G3BP1: variants seen among roughly 807,000 people sequenced by gnomAD.
G3BP1 encodes ras GTPase-activating protein-binding protein 1.
G3BP1 carries 35 observed loss-of-function variants against 58.6 expected under a neutral mutation model. The observed-to-expected ratio is 0.60, with a 90% CI of 0.46 to 0.79. G3BP1 has a LOEUF of 0.79. Ranked by LOEUF, G3BP1 falls within the 30% of genes least tolerant of loss-of-function variation. The pLI is 0.00. For synonymous variants in G3BP1, 191 were observed against 195.4 expected (o/e 0.98, Z 0.19); for missense variants, 523 against 580.8 (o/e 0.90, Z 1.02).
At chr5:151,801,671 C>T (rs1374749301) in intron 11 of G3BP1, among the ~76,000 whole-genome samples, 3 of 152,156 alleles carry the variant, frequency 2.0e-5, no homozygotes, top group Admixed American at 2.0e-4. Context: ...ATTCCTTGTA[C>T]CTGTCTCCCA....
At chr5:151,792,127 C>T (rs1356407615) in intron 4 of G3BP1, 1 of 456,206 alleles carries the variant, frequency 2.2e-6, no homozygotes, top group Admixed American at 2.3e-5. Context: ...TTTAGTTATA[C>T]TTATGAAAGG....
Position 151,807,789 on chromosome 5 carries a change from TTA to T in G3BP1, c.*3699_*3700del, listed in dbSNP as rs1266838717. 3 of 152,340 alleles carry T rather than the reference TTA, an allele frequency of 2.0e-5. No individual in the cohort carries two copies. The highest frequency in any genetic ancestry group is 1.3e-4 in the Admixed American group (2 of 15,304). 9.4% of individuals were successfully genotyped at this position (152,340 alleles called of 1,614,324 possible). ...ACTTTATAGAAGGCCATTTTAGAAC[TTA>T]CAGGTAACCTTTTTGAAGAGCTTAG... On this transcript the variant is annotated 3_prime_UTR_variant, in exon 12 of 12. Coordinates refer to ENST00000356245, the MANE Select transcript of G3BP1 (RefSeq NM_005754.3).
At chr5:151,789,290 C>CA (rs891802304) in intron 2 of G3BP1, among the ~76,000 whole-genome samples, 2 of 151,478 alleles carry the variant, frequency 1.3e-5, no homozygotes, top group African/African-American at 4.9e-5. Context: ...ACTAAAAATA[C>CA]AAAAAAAGGC....
chr5:151,779,221 T>G (rs1265851922), intron 1 of G3BP1, among the ~76,000 whole-genome samples: 1 of 152,194 alleles, frequency 6.6e-6, no homozygotes, highest in African/African-American at 2.4e-5. Context: ...TCATTTGCTT[T>G]TGGTGTGTCT....
chr5:151,799,232 G>T lies in G3BP1; in HGVS notation c.762G>T (p.Val254=). ...CTTAGACATTTTCTTGGGCATCTGT[G>T]ACCAGTAAGAATCTTCCACCCAGTG... ...EDLRTFSWAS[V]TSKNLPPSGA... Residue 254 remains valine (V), a synonymous_variant, in exon 8 of 12, where the codon GTG becomes GTT. Coordinates refer to ENST00000356245, the MANE Select transcript of G3BP1 (RefSeq NM_005754.3). The T allele has an allele frequency of 1.3e-6, 2 of 1,588,092 alleles. No homozygotes were observed. The highest frequency in any genetic ancestry group is 2.2e-5 in the South Asian group (2 of 90,484).
intron 1 of G3BP1, among the ~76,000 whole-genome samples, chr5:151,780,278 G>A (rs1335665786): frequency 1.3e-5 from 2 of 151,996 alleles, no homozygotes; most frequent in Admixed American, 6.6e-5. Flanking sequence ...TTTCTCTTGG[G>A]TTACTCTTTT....
chr5:151,804,091 A>AATCTTCATGG lies in G3BP1; in HGVS notation c.*10_*19dup, dbSNP rs765766728. 7 of 1,589,482 alleles carry AATCTTCATGG rather than the reference A, an allele frequency of 4.4e-6. No homozygotes were observed. The highest frequency in any genetic ancestry group is 1.7e-5 in the Admixed American group (1 of 57,396). On this transcript the variant is annotated 3_prime_UTR_variant, in exon 12 of 12. Transcript: ENST00000356245. ...GAAGGGGGCTTGCGCCACGGCAGTG[A>AATCTTCATGG]ATCTTCATGGATCTTCATGCAGCCA... is the stretch of plus-strand genomic sequence containing the variant.
In G3BP1 at chr5:151,806,612, T is replaced by C. The variant is rs1425616058; in HGVS notation, c.*2521T>C. 3 of 152,306 alleles carry C rather than the reference T, an allele frequency of 2.0e-5. No individual in the cohort carries two copies. The highest frequency in any genetic ancestry group is 7.2e-5 in the African/African-American group (3 of 41,580). 9.4% of individuals were successfully genotyped at this position (152,306 alleles called of 1,614,324 possible). A position where few individuals can be genotyped will look rare whatever the true frequency, so the allele number is the denominator to read the frequency against. On this transcript the variant is annotated 3_prime_UTR_variant, in exon 12 of 12. Coordinates refer to ENST00000356245, the MANE Select transcript of G3BP1 (RefSeq NM_005754.3). Reference sequence around the variant, plus strand: ...TAGAGTAAACCTGAGAGCTTAGAGATGTATACGTTTCCACTGCTGGAAAAT... The same window carrying C: ...TAGAGTAAACCTGAGAGCTTAGAGACGTATACGTTTCCACTGCTGGAAAAT...
chr5:151,772,580 A>C (rs1341693444), intron 1 of G3BP1: 2 of 152,288 alleles, frequency 1.3e-5, no homozygotes, highest in Admixed American at 1.3e-4. Flanking sequence ...AGTAACAACC[A>C]ATGTTCTTTC....
chr5:151,798,278 A>G (rs1336072516), intron 7 of G3BP1, among the ~76,000 whole-genome samples: 1 of 152,050 alleles, frequency 6.6e-6, no homozygotes, highest in East Asian at 1.9e-4. Context: ...TAGCCTGGGA[A>G]GTCAAGGCTG....
chr5:151,790,896 A>G lies in G3BP1; in HGVS notation c.185A>G (p.His62Arg), dbSNP rs751529338. The change falls in exon 4 of 12, where the codon CAC becomes CGC. Residue 62 changes from histidine to arginine, a missense_variant. Physicochemically the swap from His to Arg is conservative, Grantham distance 29. Around this residue, in one of 2 missense-constraint regions of G3BP1, gnomAD observed 398 missense variants for 399.1 expected, o/e 1.00. Transcript: ENST00000356245. ...ADAVYGQKEIHRKVMSQNFTN... is the reference protein window; with the variant it reads ...ADAVYGQKEIRRKVMSQNFTN... ...TATTATTATTTTTTTAAGGAAATCC[A>G]CAGGAAAGTGATGTCACAAAACTTC... 1 of 1,571,476 alleles carries G rather than the reference A, an allele frequency of 6.4e-7. No homozygotes were observed. The highest frequency in any genetic ancestry group is 8.7e-7 in the Non-Finnish European group (1 of 1,146,194).
chr5:151,786,139 A>G (rs954670804), intron 1 of G3BP1, among the ~76,000 whole-genome samples: 4 of 152,186 alleles, frequency 2.6e-5, no homozygotes, highest in African/African-American at 9.7e-5. Flanking sequence ...AAATACAAAA[A>G]TTAGCCGGGC....
intron 1 of G3BP1, among the ~76,000 whole-genome samples, chr5:151,775,654 T>C (rs2113213477): frequency 6.6e-6 from 1 of 152,378 alleles, no homozygotes; most frequent in South Asian, 2.1e-4. Flanking sequence ...TAGATTTCCC[T>C]GGAGTGTATC....
At chr5:151,788,577 T>TGC in intron 2 of G3BP1, among the ~76,000 whole-genome samples, 1 of 140,510 alleles carries the variant, frequency 7.1e-6, no homozygotes, top group South Asian at 2.2e-4. Context: ...TTTATATGTG[T>TGC]GTGTGTGTGT....
At chr5:151,773,119 G>T (rs1762302799) in intron 1 of G3BP1, among the ~76,000 whole-genome samples, 1 of 152,226 alleles carries the variant, frequency 6.6e-6, no homozygotes, top group South Asian at 2.1e-4. Flanking sequence ...GGAAATTCCC[G>T]CCAGCGGGAA....
rs769676238 is a variant in G3BP1, at chr5:151,800,781, T to TG, written c.1107dup (p.Arg370AlafsTer3). The TG allele has an allele frequency of 6.2e-7, 1 of 1,610,824 alleles. No individual in the cohort carries two copies. Among genetic ancestry groups the TG allele is most frequent in the Non-Finnish European group, 8.5e-7 (1 of 1,177,034 alleles). On this transcript the variant is annotated frameshift_variant, in exon 11 of 12. Coordinates refer to ENST00000356245, the MANE Select transcript of G3BP1 (RefSeq NM_005754.3). LOFTEE classifies it high-confidence loss of function. ...GCAGGTTATGGAAACGTGGTGGAGT[T>TG]GCGCATTAACAGTGGTGGGAAATTA...
At chr5:151,797,767 A>C (rs916616243) in intron 7 of G3BP1, among the ~76,000 whole-genome samples, 79 of 152,362 alleles carry the variant, frequency 5.2e-4, no homozygotes, top group African/African-American at 1.7e-3. Context: ...TTGTTACTAC[A>C]AGTGCATAAC....
In G3BP1 at chr5:151,811,652, A is replaced by T. The variant is rs2113264855; in HGVS notation, c.*7561A>T. On this transcript the variant is annotated 3_prime_UTR_variant, in exon 12 of 12. Transcript: ENST00000356245. ...ATTTTTTTTTTTTACAAGCCAAAAA[A>T]TAACTGCCATAACTTTTGTGACTTC... 6.6e-6 allele frequency: 1 copy of T among 152,298 alleles called. No homozygotes were observed. The highest frequency in any genetic ancestry group is 2.1e-4 in the South Asian group (1 of 4,828). 9.4% of individuals were successfully genotyped at this position (152,298 alleles called of 1,614,324 possible).
intron 2 of G3BP1, among the ~76,000 whole-genome samples, chr5:151,789,054 C>T (rs1010137525): frequency 6.6e-6 from 1 of 152,138 alleles, no homozygotes; most frequent in African/African-American, 2.4e-5. Context: ...GGATTACAGG[C>T]GTGAGCCACC....
Sources: allele counts gnomAD v4.1 joint callset (sites outside exome capture counted in the v4.1 genomes callset), GRCh38; gene constraint gnomAD v4.1.1; regional missense constraint gnomAD v4.1.1; transcripts MANE v1.5; gene names NCBI Gene and HGNC (gene_info 2026-07-23, HGNC 2026-07-21).